CDH12: variants seen among roughly 807,000 people sequenced by gnomAD.
CDH12 encodes cadherin 12.
In CDH12, 41 loss-of-function variants were observed where a neutral mutation model predicts 74.1. That is an observed-to-expected ratio of 0.55 (90% CI 0.43 to 0.72). The LOEUF is 0.72. Among genes scored for constraint, CDH12 ranks in the 30% least tolerant of loss-of-function variants. The pLI, the probability that CDH12 is intolerant of heterozygous loss-of-function variation, is 0.00. For missense variants in CDH12, 945 were observed against 977.2 expected, an observed-to-expected ratio of 0.97 and a Z score of 0.44; for synonymous variants, 399 against 355.0, an observed-to-expected ratio of 1.12 and a Z score of -1.39.
intron 6 of CDH12, among the ~76,000 whole-genome samples, chr5:21,947,515 A>G (rs929042609): frequency 6.6e-6 from 1 of 152,202 alleles, no homozygotes; most frequent in Non-Finnish European, 1.5e-5. Context: ...GACTAGAAGC[A>G]TTTTGCCCCT....
rs146231057 is a variant in CDH12, at chr5:22,621,410, T to C, written c.-522-116046A>G. On this transcript the variant is annotated intron_variant, in intron 1 of 14. Transcript: ENST00000382254. ...AATATTCAAAGGACTATTAGACTTA[T>C]AAATGCCTTATACTAGAAGGTAAAA... Among the ~76,000 whole-genome samples, 548 of 152,262 alleles carry C rather than the reference T, an allele frequency of 3.6e-3. 1 individual carries two copies. Among genetic ancestry groups the C allele is most frequent in the African/African-American group, 0.01 (422 of 41,568 alleles).
chr5:21,928,840 T>G (rs1754710141), intron 6 of CDH12, among the ~76,000 whole-genome samples: 1 of 152,174 alleles, frequency 6.6e-6, no homozygotes, highest in South Asian at 2.1e-4. Flanking sequence ...TTCCACTTTG[T>G]GTTTTTGGTG....
intron 1 of CDH12, among the ~76,000 whole-genome samples, chr5:22,512,860 A>G (rs1736668389): frequency 6.6e-6 from 1 of 152,076 alleles, no homozygotes; most frequent in South Asian, 2.1e-4. Context: ...TTCGGAGTTC[A>G]AGACTAGCCT....
At chr5:22,088,726 T>C (rs568849947) in intron 4 of CDH12, among the ~76,000 whole-genome samples, 13 of 152,192 alleles carry the variant, frequency 8.5e-5, no homozygotes, top group Non-Finnish European at 1.8e-4. Flanking sequence ...AGGTAGCAAT[T>C]ATGAGGAAGC....
intron 5 of CDH12, among the ~76,000 whole-genome samples, chr5:21,999,193 T>G (rs1254908241): frequency 6.6e-6 from 1 of 152,146 alleles, no homozygotes; most frequent in Non-Finnish European, 1.5e-5. Context: ...CAAGTATCAA[T>G]TAAGGTAGAC....
At chr5:21,764,531 C>A (rs1744903424) in intron 12 of CDH12, among the ~76,000 whole-genome samples, 1 of 151,558 alleles carries the variant, frequency 6.6e-6, no homozygotes, top group African/African-American at 2.4e-5. Flanking sequence ...TGCCTATAAT[C>A]CCAGCTACTT....
chr5:22,711,253 T>C (rs1334714053), intron 1 of CDH12, among the ~76,000 whole-genome samples: 1 of 152,150 alleles, frequency 6.6e-6, no homozygotes, highest in South Asian at 2.1e-4. Flanking sequence ...TATATTGAGA[T>C]CTTGGGTGTT....
intron 1 of CDH12, among the ~76,000 whole-genome samples, chr5:22,733,931 T>C (rs903754267): frequency 6.6e-6 from 1 of 152,014 alleles, no homozygotes; most frequent in African/African-American, 2.4e-5. Context: ...TTGTGAAGAC[T>C]GGGGAAGTGT....
chr5:22,303,052 CAAA>C (rs758435170), intron 3 of CDH12, among the ~76,000 whole-genome samples: 3 of 151,010 alleles, frequency 2.0e-5, no homozygotes, highest in East Asian at 3.9e-4. Context: ...GAGCTAGAGG[CAAA>C]AAAAATGTGG....
At chr5:22,325,055 A>G (rs747384379) in intron 3 of CDH12, among the ~76,000 whole-genome samples, 1 of 152,238 alleles carries the variant, frequency 6.6e-6, no homozygotes, top group Non-Finnish European at 1.5e-5. Flanking sequence ...AGTGGAAATC[A>G]GGGCATGTGC....
At chr5:22,202,462 C>G (rs1308776560) in intron 4 of CDH12, among the ~76,000 whole-genome samples, 1 of 152,116 alleles carries the variant, frequency 6.6e-6, no homozygotes, top group Non-Finnish European at 1.5e-5. Flanking sequence ...ACAAAAGGGT[C>G]AGAGTTTTTG....
intron 3 of CDH12, among the ~76,000 whole-genome samples, chr5:22,218,913 T>G (rs546118363): frequency 2.4e-4 from 36 of 151,856 alleles, no homozygotes; most frequent in African/African-American, 6.7e-4. Flanking sequence ...CTACTTTATA[T>G]TTCTAACCGT....
intron 1 of CDH12, among the ~76,000 whole-genome samples, chr5:22,733,613 T>C (rs1382700834): frequency 2.6e-5 from 4 of 151,936 alleles, no homozygotes; most frequent in Non-Finnish European, 4.4e-5. Flanking sequence ...TCAATTTCCA[T>C]GTAAAGTCAG....
chr5:22,757,594 A>G (rs939821754), intron 1 of CDH12, among the ~76,000 whole-genome samples: 1 of 152,198 alleles, frequency 6.6e-6, no homozygotes, highest in Admixed American at 6.5e-5. Flanking sequence ...GTTAACATAC[A>G]TGGATACTTA....
At chr5:22,153,882 A>ATGTATATATATG (rs1561168464) in intron 4 of CDH12, among the ~76,000 whole-genome samples, 1 of 49,608 alleles carries the variant, frequency 2.0e-5, no homozygotes, top group Non-Finnish European at 4.5e-5. Context: ...GTATATATAT[A>ATGTATATATATG]TATATAAATA....
At chr5:22,727,803 G>A (rs1004178737) in intron 1 of CDH12, among the ~76,000 whole-genome samples, 10 of 150,902 alleles carry the variant, frequency 6.6e-5, no homozygotes, top group African/African-American at 2.4e-4. Flanking sequence ...TTCTTTTTTT[G>A]AAGTCATCTT....
chr5:22,492,337 T>G (rs1746908458), intron 2 of CDH12, among the ~76,000 whole-genome samples: 1 of 125,208 alleles, frequency 8.0e-6, no homozygotes, highest in Non-Finnish European at 1.6e-5. Context: ...GCCTACAGTC[T>G]CCTACTAAAA....
At chr5:22,396,459 C>T (rs1335915816) in intron 3 of CDH12, among the ~76,000 whole-genome samples, 1 of 152,086 alleles carries the variant, frequency 6.6e-6, no homozygotes, top group Non-Finnish European at 1.5e-5. Context: ...TTCTGTCTCC[C>T]TGCACTGACT....
At chr5:22,789,389 A>G (rs1240719731) in intron 1 of CDH12, among the ~76,000 whole-genome samples, 1 of 152,080 alleles carries the variant, frequency 6.6e-6, no homozygotes, top group Non-Finnish European at 1.5e-5. Context: ...ATAATTGCAC[A>G]TACCCAAGGA....
Sources: gnomAD v4.1 joint callset for allele counts (sites outside exome capture counted in the v4.1 genomes callset) on GRCh38, gnomAD v4.1.1 for gene constraint, MANE v1.5 for transcripts, NCBI Gene and HGNC (gene_info 2026-07-23, HGNC 2026-07-21) for gene names.